SULF2: variants seen among roughly 807,000 people sequenced by gnomAD.
The protein encoded by SULF2 is sulfatase 2.
In SULF2, 52 loss-of-function variants were observed where a neutral mutation model predicts 107.7. The observed-to-expected ratio is 0.48, with a 90% CI of 0.39 to 0.61. The LOEUF (loss-of-function observed/expected upper bound fraction) is 0.61. Among genes scored for constraint, SULF2 ranks in the 20% least tolerant of loss-of-function variants. The pLI, the probability that SULF2 is intolerant of heterozygous loss-of-function variation, is 0.00. For missense variants in SULF2, 993 were observed against 1,177.3 expected, an observed-to-expected ratio of 0.84 and a Z score of 2.29; for synonymous variants, 460 against 464.3, an observed-to-expected ratio of 0.99 and a Z score of 0.12.
chr20:47,695,418 C>T (rs893620945), intron 4 of SULF2, among the ~76,000 whole-genome samples: 18 of 152,160 alleles, frequency 1.2e-4, no homozygotes, highest in African/African-American at 4.3e-4. Flanking sequence ...AAACCTCATA[C>T]ATCTTGAACA....
chr20:47,658,157 A>C lies in SULF2; in HGVS notation c.*205T>G. 1.6e-6 allele frequency: 1 copy of C among 613,714 alleles called. No homozygotes were observed. The highest frequency in any genetic ancestry group is 2.9e-6 in the Non-Finnish European group (1 of 341,576). 38.0% of individuals were successfully genotyped at this position (613,714 alleles called of 1,614,324 possible). A position where few individuals can be genotyped will look rare whatever the true frequency, so the allele number is the denominator to read the frequency against. The stretch of plus-strand genomic sequence containing the variant: ...GTGAGGTATAATCCAAAGCAAAAGC[A>C]GGGGCAAAAATGGACTTCCTGAAGT... On this transcript the variant is annotated 3_prime_UTR_variant, in exon 21 of 21. Coordinates refer to ENST00000688720, the MANE Select transcript of SULF2 (RefSeq NM_001387048.1).
chr20:47,769,343 C>T (rs1467800036), intron 1 of SULF2, among the ~76,000 whole-genome samples: 1 of 150,740 alleles, frequency 6.6e-6, no homozygotes, highest in African/African-American at 2.4e-5. Flanking sequence ...CCCGGCCACA[C>T]CTGCCTAATT....
chr20:47,663,770 G>T, intron 15 of SULF2, 148 bp from the exon 16 acceptor site: 1 of 942,592 alleles, frequency 1.1e-6, no homozygotes, highest in Non-Finnish European at 1.6e-6. Context: ...AAGTCCCAGT[G>T]CTGCTCCAAG....
intron 3 of SULF2, among the ~76,000 whole-genome samples, chr20:47,715,918 C>T (rs953503188): frequency 2.0e-5 from 3 of 152,206 alleles, no homozygotes; most frequent in African/African-American, 7.2e-5. Context: ...GGTGCACACC[C>T]TCTGTGAGTG....
chr20:47,682,482 T>G (rs2087856882), intron 7 of SULF2, among the ~76,000 whole-genome samples: 1 of 152,156 alleles, frequency 6.6e-6, no homozygotes, highest in African/African-American at 2.4e-5. Flanking sequence ...ACATGTCAAC[T>G]CAAAGGTTAG....
At chr20:47,667,540 C>T (rs973942311) in intron 11 of SULF2, among the ~76,000 whole-genome samples, 1 of 152,150 alleles carries the variant, frequency 6.6e-6, no homozygotes, top group African/African-American at 2.4e-5. Context: ...TCTCACGGGC[C>T]CACAGTTCCA....
chr20:47,708,280 G>C (rs763148892), intron 3 of SULF2, among the ~76,000 whole-genome samples: 7 of 152,212 alleles, frequency 4.6e-5, no homozygotes, highest in Non-Finnish European at 8.8e-5. Context: ...GGGGATAGGA[G>C]GAAAACTGTT....
chr20:47,767,645 C>G (rs1438682280), intron 1 of SULF2, among the ~76,000 whole-genome samples: 1 of 152,126 alleles, frequency 6.6e-6, no homozygotes, highest in Non-Finnish European at 1.5e-5. Context: ...TGTGGTGGCA[C>G]ATGCCTGTAG....
At chr20:47,670,219 G>A (rs1026354835) in intron 11 of SULF2, among the ~76,000 whole-genome samples, 1 of 152,068 alleles carries the variant, frequency 6.6e-6, no homozygotes, top group Non-Finnish European at 1.5e-5. Flanking sequence ...TTTTGAGACA[G>A]TCTTGCTCTG....
At position 47,659,465 on chromosome 20, in the gene SULF2, G is replaced by T; in HGVS notation, c.2529-13C>A. On this transcript the variant is annotated splice_polypyrimidine_tract_variant and intron_variant, in intron 19 of 20. Coordinates refer to ENST00000688720, the MANE Select transcript of SULF2 (RefSeq NM_001387048.1). The stretch of plus-strand genomic sequence containing the variant: ...ACGCTGAAACTGCCTAAGTTTTCAA[G>T]TGTCAAAGGAGAATGAATGTTAACC... 6.2e-7 allele frequency: 1 copy of T among 1,613,772 alleles called. No homozygotes were observed. The highest frequency in any genetic ancestry group is 8.5e-7 in the Non-Finnish European group (1 of 1,179,686).
At chr20:47,774,092 G>A (rs2090681389) in intron 1 of SULF2, among the ~76,000 whole-genome samples, 1 of 152,198 alleles carries the variant, frequency 6.6e-6, no homozygotes, top group South Asian at 2.1e-4. Context: ...TTAGAAGCTG[G>A]GGGAAGGAGT....
At chr20:47,702,428 A>G in intron 4 of SULF2, 91 bp downstream of exon 4, 1 of 1,467,612 alleles carries the variant, frequency 6.8e-7, no homozygotes, top group Non-Finnish European at 9.2e-7. Context: ...TGCCTGAGTC[A>G]CAATCTGAAC....
Position 47,785,446 on chromosome 20 carries a change from G to A in SULF2, c.-204C>T. Reference sequence around the variant, plus strand: ...GCGCAGGGGACTCCGCGCCGCCGCTGCCGCTGCCGCCGCCGCCGCCGCCGC... The same window carrying A: ...GCGCAGGGGACTCCGCGCCGCCGCTACCGCTGCCGCCGCCGCCGCCGCCGC... On this transcript the variant is annotated 5_prime_UTR_variant, in exon 1 of 21. Transcript: ENST00000688720. 6.7e-6 allele frequency: 1 copy of A among 148,730 alleles called. No homozygotes were observed. Among genetic ancestry groups the A allele is most frequent in the South Asian group, 1.8e-4 (1 of 5,464 alleles). 9.2% of individuals were successfully genotyped at this position (148,730 alleles called of 1,614,324 possible).
chr20:47,661,102 A>G (rs960696656), intron 18 of SULF2, among the ~76,000 whole-genome samples: 4 of 152,008 alleles, frequency 2.6e-5, no homozygotes, highest in African/African-American at 4.8e-5. Flanking sequence ...ATGAAATCTA[A>G]ACTCTACCGT....
At chr20:47,671,873 T>C (rs547750743) in intron 11 of SULF2, among the ~76,000 whole-genome samples, 1 of 152,014 alleles carries the variant, frequency 6.6e-6, no homozygotes, top group East Asian at 1.9e-4. Context: ...AGCCACCACA[T>C]CTGGCTAATT....
At chr20:47,742,280 C>T (rs1288168956) in intron 2 of SULF2, among the ~76,000 whole-genome samples, 2 of 152,242 alleles carry the variant, frequency 1.3e-5, no homozygotes, top group Non-Finnish European at 2.9e-5. Flanking sequence ...ACCTGAACGA[C>T]ACGGCCACAC....
Position 47,678,530 on chromosome 20 carries a change from G to GGGACCATGCTTCTCTCC in SULF2, c.1193+145_1193+146insGGAGAGAAGCATGGTCC. On this transcript the variant is annotated intron_variant, in intron 8 of 20. Transcript: ENST00000688720. The surrounding 1 kb of genome is among the most constrained non-coding windows in gnomAD (Gnocchi z 4.5). ...GAGGGGACCATGCTTCTCTCCCACA[G>GGGACCATGCTTCTCTCC]CAGGTAAGTGGTTGGCATGGCGGGA... is the stretch of plus-strand genomic sequence containing the variant. The GGGACCATGCTTCTCTCC allele has an allele frequency of 3.8e-5, 38 of 993,706 alleles. No individual in the cohort carries two copies. The highest frequency in any genetic ancestry group is 5.5e-5 in the Non-Finnish European group (37 of 670,408). 61.6% of individuals were successfully genotyped at this position (993,706 alleles called of 1,614,324 possible).
At chr20:47,687,537 C>T (rs963758716) in intron 5 of SULF2, among the ~76,000 whole-genome samples, 6 of 152,136 alleles carry the variant, frequency 3.9e-5, no homozygotes, top group Non-Finnish European at 8.8e-5. Flanking sequence ...TCCCTCGCCC[C>T]AAAGCCCTTG....
At chr20:47,691,598 AC>A (rs1251974546) in intron 4 of SULF2, among the ~76,000 whole-genome samples, 2 of 152,204 alleles carry the variant, frequency 1.3e-5, no homozygotes, top group African/African-American at 4.8e-5. Context: ...GGCAGAGATA[AC>A]GGGGTCTGAG....
Sources: gnomAD v4.1 joint callset for allele counts (sites outside exome capture counted in the v4.1 genomes callset) on GRCh38, gnomAD v4.1.1 for gene constraint, Gnocchi (gnomAD v3.1) non-coding constraint, MANE v1.5 for transcripts, NCBI Gene and HGNC (gene_info 2026-07-23, HGNC 2026-07-21) for gene names.